AGBL4: variants seen among roughly 807,000 people sequenced by gnomAD.
The protein encoded by AGBL4 is AGBL carboxypeptidase 4.
In AGBL4, 58 loss-of-function variants were observed where a neutral mutation model predicts 66.4. The observed-to-expected ratio is 0.87, with a 90% CI of 0.71 to 1.09. AGBL4 has a LOEUF of 1.09. Ranked by LOEUF, AGBL4 falls within the 50% of genes least tolerant of loss-of-function variation. The pLI, the probability that AGBL4 is intolerant of heterozygous loss-of-function variation, is 0.00. For missense variants in AGBL4, 579 were observed against 631.0 expected, an observed-to-expected ratio of 0.92 and a Z score of 0.88; for synonymous variants, 234 against 222.9, an observed-to-expected ratio of 1.05 and a Z score of -0.44.
chr1:49,235,248 T>G (rs754459987), intron 4 of AGBL4, among the ~76,000 whole-genome samples: 33 of 152,216 alleles, frequency 2.2e-4, no homozygotes, highest in Non-Finnish European at 3.7e-4. Flanking sequence ...TTCTCACTCA[T>G]GTTCTGGCCT....
intron 4 of AGBL4, among the ~76,000 whole-genome samples, chr1:49,227,846 A>C (rs920395353): frequency 4.6e-5 from 7 of 152,170 alleles, no homozygotes; most frequent in African/African-American, 1.7e-4. Flanking sequence ...ATCTTCAGCC[A>C]TACCTTTATT....
At chr1:48,769,737 T>C (rs1293475862) in intron 6 of AGBL4, among the ~76,000 whole-genome samples, 1 of 152,176 alleles carries the variant, frequency 6.6e-6, no homozygotes, top group Non-Finnish European at 1.5e-5. Context: ...GAACCTACTA[T>C]ATGCCAGATA....
At chr1:49,428,939 G>C (rs1235320807) in intron 3 of AGBL4, among the ~76,000 whole-genome samples, 2 of 152,308 alleles carry the variant, frequency 1.3e-5, no homozygotes, top group East Asian at 3.9e-4. Context: ...AAATTTGCCA[G>C]CCATTCTGGC....
intron 2 of AGBL4, among the ~76,000 whole-genome samples, chr1:49,820,878 C>T (rs1324624652): frequency 6.6e-6 from 1 of 152,188 alleles, no homozygotes; most frequent in Non-Finnish European, 1.5e-5. Flanking sequence ...AGTCAAGTCA[C>T]AACTTCTCTA....
At chr1:49,990,726 G>C (rs1292876822) in intron 1 of AGBL4, among the ~76,000 whole-genome samples, 2 of 152,134 alleles carry the variant, frequency 1.3e-5, no homozygotes, top group Non-Finnish European at 2.9e-5. Context: ...TCTTGGCCAA[G>C]CTATTTAACA....
rs140930371 is a variant in AGBL4 at position 49,720,790 on chromosome 1, G to A, written c.158-23353C>T. 1.5e-3 allele frequency among the ~76,000 whole-genome samples: 225 copies of A among 152,258 alleles called. 4 individuals carry two copies. The highest frequency in any genetic ancestry group is 5.2e-3 in the African/African-American group (218 of 41,554). ...GAAACTAATAAATTAGTCAAGATAT[G>A]TAAAAAGTGTTATAGGGACATAAAA... On this transcript the variant is annotated intron_variant, in intron 2 of 13. Transcript: ENST00000371839.
chr1:49,099,561 T>C (rs1159445256), intron 4 of AGBL4, among the ~76,000 whole-genome samples: 1 of 152,194 alleles, frequency 6.6e-6, no homozygotes, highest in Non-Finnish European at 1.5e-5. Flanking sequence ...CACTGTTTCA[T>C]TTAATTACCA....
intron 3 of AGBL4, among the ~76,000 whole-genome samples, chr1:49,518,190 A>G (rs947402769): frequency 6.6e-6 from 1 of 152,056 alleles, no homozygotes; most frequent in East Asian, 1.9e-4. Context: ...TAGCATAGTT[A>G]GGTTACATTC....
intron 2 of AGBL4, among the ~76,000 whole-genome samples, chr1:49,789,030 T>C (rs1368438392): frequency 6.6e-6 from 1 of 152,198 alleles, no homozygotes; most frequent in Non-Finnish European, 1.5e-5. Context: ...ATACCTAGTT[T>C]ATTGAGAGTT....
intron 3 of AGBL4, among the ~76,000 whole-genome samples, chr1:49,481,131 A>G (rs1052200868): frequency 2.0e-5 from 3 of 152,126 alleles, no homozygotes; most frequent in Admixed American, 1.3e-4. Context: ...TCGGTTCCAC[A>G]TGAATTTTAA....
At chr1:49,302,606 T>TA in intron 3 of AGBL4, among the ~76,000 whole-genome samples, 3 of 74,728 alleles carry the variant, frequency 4.0e-5, no homozygotes, top group Non-Finnish European at 1.1e-4. Context: ...TTTTATTTTA[T>TA]TTTTTTATTT....
At chr1:49,033,454 G>T (rs1453971438) in intron 5 of AGBL4, among the ~76,000 whole-genome samples, 5 of 152,136 alleles carry the variant, frequency 3.3e-5, no homozygotes. Flanking sequence ...GGAAAAAGAA[G>T]AAAGCGGGAA....
At chr1:48,570,465 A>G (rs916660121) in intron 11 of AGBL4, among the ~76,000 whole-genome samples, 2 of 152,170 alleles carry the variant, frequency 1.3e-5, no homozygotes, top group African/African-American at 4.8e-5. Flanking sequence ...GTGCTGTGGA[A>G]TCCTGGGGCT....
At position 48,935,195 on chromosome 1, in the gene AGBL4, C is replaced by T. The variant is rs17105261; in HGVS notation, c.595-67965G>A. Among the ~76,000 whole-genome samples the T allele has an allele frequency of 9.2e-3, 1,403 of 152,260 alleles. 28 individuals are homozygous for T. The highest frequency in any genetic ancestry group is 0.032 in the African/African-American group (1,331 of 41,536). On this transcript the variant is annotated intron_variant, in intron 5 of 13. Coordinates refer to ENST00000371839, the MANE Select transcript of AGBL4 (RefSeq NM_032785.4). ...CCAAAATATGCATTTCACTATGCCA[C>T]GCTGCTGTTTAAAACACTCCAATAT...
intron 1 of AGBL4, among the ~76,000 whole-genome samples, chr1:49,966,660 A>G (rs190342522): frequency 1.5e-4 from 23 of 152,218 alleles, no homozygotes; most frequent in Admixed American, 7.2e-4. Context: ...AATGGGAGTG[A>G]GAAAGAGGAT....
At chr1:49,959,458 G>A (rs1300561027) in intron 1 of AGBL4, among the ~76,000 whole-genome samples, 2 of 152,064 alleles carry the variant, frequency 1.3e-5, no homozygotes, top group Non-Finnish European at 2.9e-5. Context: ...GGTATCAGAG[G>A]TATGAAGTGT....
At chr1:49,763,122 C>A (rs79665092) in intron 2 of AGBL4, among the ~76,000 whole-genome samples, 4,202 of 152,266 alleles carry the variant, frequency 0.028, 165 homozygotes, top group African/African-American at 0.096. Context: ...ATTTTCCCTG[C>A]TCCATAGATT....
At chr1:49,179,729 A>G (rs996945027) in intron 4 of AGBL4, among the ~76,000 whole-genome samples, 8 of 151,986 alleles carry the variant, frequency 5.3e-5, no homozygotes, top group East Asian at 1.9e-4. Flanking sequence ...GCATAATGTG[A>G]TATCTCTGTC....
intron 9 of AGBL4, among the ~76,000 whole-genome samples, chr1:48,621,272 G>A (rs1030948383): frequency 5.3e-5 from 8 of 152,198 alleles, no homozygotes; most frequent in Admixed American, 3.9e-4. Flanking sequence ...TGGCTGGTTA[G>A]ACAGACGAGT....
Sources: allele counts gnomAD v4.1 joint callset (sites outside exome capture counted in the v4.1 genomes callset), GRCh38; gene constraint gnomAD v4.1.1; transcripts MANE v1.5; gene names NCBI Gene and HGNC (gene_info 2026-07-23, HGNC 2026-07-21).